THSD7B: variants seen among roughly 807,000 people sequenced by gnomAD.
THSD7B encodes the protein thrombospondin type-1 domain-containing protein 7B.
In THSD7B, 138 loss-of-function variants were observed where a neutral mutation model predicts 213.6. The ratio of observed to expected loss-of-function variants is 0.65; its 90% CI spans 0.56 to 0.74. The LOEUF (loss-of-function observed/expected upper bound fraction) is 0.74. THSD7B is among the 30% of genes least tolerant of loss of function. The probability of loss-of-function intolerance (pLI) is 0.00; values close to 1 mark genes in which losing one functional copy is unlikely to be tolerated. For synonymous variants in THSD7B, 742 were observed against 687.0 expected (o/e 1.08, Z -1.25); for missense variants, 1,931 against 1,991.5 (o/e 0.97, Z 0.58).
intron 1 of THSD7B, among the ~76,000 whole-genome samples, chr2:136,798,823 C>T (rs1261325112): frequency 2.0e-5 from 3 of 152,000 alleles, no homozygotes; most frequent in African/African-American, 2.4e-5. Context: ...TGAAAATTCC[C>T]ATAAACTCAA....
chr2:137,313,933 C>T (rs1015381145), intron 12 of THSD7B, among the ~76,000 whole-genome samples: 2 of 152,114 alleles, frequency 1.3e-5, no homozygotes, highest in Non-Finnish European at 2.9e-5. Flanking sequence ...TCTGGCTGCC[C>T]TTAACATTTT....
intron 12 of THSD7B, among the ~76,000 whole-genome samples, chr2:137,298,639 A>T (rs947676932): frequency 3.3e-5 from 5 of 152,152 alleles, no homozygotes; most frequent in African/African-American, 1.2e-4. Flanking sequence ...TGTGCAGCTT[A>T]GGGACTTAGT....
chr2:137,358,312 A>T (rs1445969346), intron 12 of THSD7B, among the ~76,000 whole-genome samples: 1 of 152,164 alleles, frequency 6.6e-6, no homozygotes. Context: ...CTCTTGTTTT[A>T]TAAATTGATT....
intron 12 of THSD7B, among the ~76,000 whole-genome samples, chr2:137,377,784 G>C (rs976900162): frequency 6.6e-6 from 1 of 151,924 alleles, no homozygotes; most frequent in Non-Finnish European, 1.5e-5. Context: ...GAACCACCAT[G>C]CCTGGCTAAT....
At chr2:137,453,326 C>T (rs1292777455) in intron 15 of THSD7B, among the ~76,000 whole-genome samples, 45 of 96,820 alleles carry the variant, frequency 4.6e-4, no homozygotes, top group Admixed American at 9.1e-4. Context: ...TTGAAATTTA[C>T]TTTTTTTTTT....
At chr2:137,395,906 C>T (rs185374207) in intron 12 of THSD7B, among the ~76,000 whole-genome samples, 5,459 of 150,750 alleles carry the variant, frequency 0.036, 140 homozygotes, top group Non-Finnish European at 0.051. Flanking sequence ...GTGTATGTGT[C>T]GAAGAATTTA....
At chr2:136,998,278 A>G (rs533686226) in intron 2 of THSD7B, among the ~76,000 whole-genome samples, 8 of 149,568 alleles carry the variant, frequency 5.3e-5, no homozygotes, top group Admixed American at 1.3e-4. Flanking sequence ...AAAAAAAAAA[A>G]AAAGAAAGAA....
chr2:136,890,457 C>T (rs1683818193), intron 2 of THSD7B, among the ~76,000 whole-genome samples: 1 of 936 alleles, frequency 1.1e-3, no homozygotes, highest in Admixed American at 0.045. Flanking sequence ...TCTTCTTCTT[C>T]TTCTCCTTTC....
At chr2:137,163,271 A>T (rs1680054802) in intron 6 of THSD7B, among the ~76,000 whole-genome samples, 1 of 151,966 alleles carries the variant, frequency 6.6e-6, no homozygotes, top group Non-Finnish European at 1.5e-5. Context: ...CCCCAAAAAG[A>T]TGTGTTCAAA....
At chr2:137,296,690 CA>C (rs1683471472) in intron 12 of THSD7B, among the ~76,000 whole-genome samples, 1 of 152,072 alleles carries the variant, frequency 6.6e-6, no homozygotes, top group African/African-American at 2.4e-5. Context: ...AGATAAATTG[CA>C]GATATTTCTA....
chr2:137,182,782 C>CTGTG (rs1680479769), intron 7 of THSD7B, among the ~76,000 whole-genome samples: 1 of 152,236 alleles, frequency 6.6e-6, no homozygotes, highest in South Asian at 2.1e-4. Flanking sequence ...ATCGTGTATA[C>CTGTG]TGTGTATCAC....
At chr2:137,593,380 A>G (rs1472967089) in intron 17 of THSD7B, among the ~76,000 whole-genome samples, 2 of 152,000 alleles carry the variant, frequency 1.3e-5, no homozygotes, top group Non-Finnish European at 2.9e-5. Context: ...TACACTATTT[A>G]CAACAACGTA....
intron 2 of THSD7B, among the ~76,000 whole-genome samples, 184 bp downstream of exon 2, chr2:136,882,501 T>C (rs1022486555): frequency 1.3e-5 from 2 of 152,204 alleles, no homozygotes; most frequent in Admixed American, 1.3e-4. Flanking sequence ...TCTCCATCCA[T>C]GATGCTTGTT....
At chr2:137,143,318 G>A (rs1679629561) in intron 5 of THSD7B, among the ~76,000 whole-genome samples, 1 of 152,116 alleles carries the variant, frequency 6.6e-6, no homozygotes, top group African/African-American at 2.4e-5. Context: ...CAAATGATAA[G>A]CCCATCAAAA....
intron 15 of THSD7B, among the ~76,000 whole-genome samples, chr2:137,546,076 A>G (rs1372448077): frequency 2.0e-5 from 3 of 151,180 alleles, no homozygotes; most frequent in South Asian, 2.1e-4. Context: ...AAATGAGAGG[A>G]TTTCTAATTC....
chr2:137,450,896 G>A lies in THSD7B; in HGVS notation c.3011G>A (p.Ser1004Asn). 2 of 1,612,220 alleles carry A rather than the reference G, an allele frequency of 1.2e-6. No individual in the cohort carries two copies. Among genetic ancestry groups the A allele is most frequent in the Non-Finnish European group, 1.7e-6 (2 of 1,179,156 alleles). ...VIPCPFDCKLSDWSSWGSCSS... is the reference protein window; with the variant it reads ...VIPCPFDCKLNDWSSWGSCSS... Reference sequence around the variant, plus strand: ...CCCTGCCCATTTGATTGCAAGTTAAGCGATTGGTCTAGTTGGGGGTCTTGC... The same window carrying A: ...CCCTGCCCATTTGATTGCAAGTTAAACGATTGGTCTAGTTGGGGGTCTTGC... Residue 1004 changes from serine to asparagine, a missense_variant, in exon 15 of 28, where the codon AGC becomes AAC. Ser to Asn is a conservative substitution (Grantham distance 46). Transcript: ENST00000409968.
chr2:137,414,066 G>A (rs1686734715), intron 14 of THSD7B, among the ~76,000 whole-genome samples: 1 of 151,972 alleles, frequency 6.6e-6, no homozygotes, highest in African/African-American at 2.4e-5. Context: ...TTTTAATTTA[G>A]AAAATAATCA....
intron 15 of THSD7B, among the ~76,000 whole-genome samples, chr2:137,472,321 T>C (rs1308412450): frequency 6.6e-6 from 1 of 152,216 alleles, no homozygotes; most frequent in Non-Finnish European, 1.5e-5. Flanking sequence ...CTATACACTC[T>C]TAAAAATTAT....
chr2:136,910,061 G>A (rs1397977774), intron 2 of THSD7B, among the ~76,000 whole-genome samples: 5 of 152,112 alleles, frequency 3.3e-5, no homozygotes, highest in African/African-American at 1.2e-4. Context: ...CACCTTTCAA[G>A]AATAGTGCTT....
Sources: allele counts gnomAD v4.1 joint callset (sites outside exome capture counted in the v4.1 genomes callset), GRCh38; gene constraint gnomAD v4.1.1; transcripts MANE v1.5; gene names NCBI Gene and HGNC (gene_info 2026-07-23, HGNC 2026-07-21).